The following LINGO2 variants were observed in gnomAD, a reference collection of about 807,000 sequenced individuals.
LINGO2 encodes the protein leucine rich repeat and Ig domain containing 2.
In LINGO2, 14 loss-of-function variants were observed where a neutral mutation model predicts 30.6. The ratio of observed to expected loss-of-function variants is 0.46; its 90% CI spans 0.30 to 0.72. The LOEUF is 0.72. Among genes scored for constraint, LINGO2 ranks in the 30% least tolerant of loss-of-function variants. The pLI, the probability that LINGO2 is intolerant of heterozygous loss-of-function variation, is 0.07. For missense variants in LINGO2, 729 were observed against 751.7 expected, an observed-to-expected ratio of 0.97 and a Z score of 0.35; for synonymous variants, 317 against 288.5, an observed-to-expected ratio of 1.10 and a Z score of -1.00.
chr9:28,688,391 G>T, the LINGO2 span, among the ~76,000 whole-genome samples: 1 of 152,166 alleles, frequency 6.6e-6, no homozygotes, highest in Non-Finnish European at 1.5e-5. Context: ...AAATTAGCTT[G>T]CTTGGGCACA....
the LINGO2 span, among the ~76,000 whole-genome samples, chr9:28,913,604 G>A: frequency 6.6e-6 from 1 of 152,104 alleles, no homozygotes. Flanking sequence ...AATCAAAATA[G>A]AGAAAGAATA....
chr9:28,279,814 G>C (rs1208123032), intron 4 of LINGO2, among the ~76,000 whole-genome samples: 1 of 152,000 alleles, frequency 6.6e-6, no homozygotes, highest in Admixed American at 6.6e-5. Context: ...CCCACAAAGA[G>C]CCTAAAGTTT....
upstream of LINGO2, among the ~76,000 whole-genome samples, chr9:28,673,362 A>G (rs1829094446): frequency 1.3e-5 from 2 of 152,092 alleles, no homozygotes; most frequent in South Asian, 4.1e-4. Flanking sequence ...GAAAGATATT[A>G]GTAATAGAAT....
intron 1 of LINGO2, among the ~76,000 whole-genome samples, chr9:28,515,919 C>G (rs376064540): frequency 6.6e-6 from 1 of 152,100 alleles, no homozygotes; most frequent in Non-Finnish European, 1.5e-5. Flanking sequence ...CTTTTGTTGT[C>G]TTATTTTAAA....
intron 4 of LINGO2, among the ~76,000 whole-genome samples, chr9:28,265,880 G>C (rs964874496): frequency 2.0e-5 from 3 of 151,904 alleles, no homozygotes; most frequent in Non-Finnish European, 2.9e-5. Context: ...CTTTGGTTAG[G>C]TTTAAAGGCT....
At chr9:27,987,959 C>G (rs375644080) in intron 5 of LINGO2, among the ~76,000 whole-genome samples, 79 of 152,144 alleles carry the variant, frequency 5.2e-4, no homozygotes, top group Middle Eastern at 3.4e-3. Context: ...TCCATTAACT[C>G]GTCATTTATA....
At chr9:28,716,721 C>A in the LINGO2 span, among the ~76,000 whole-genome samples, 1 of 152,118 alleles carries the variant, frequency 6.6e-6, no homozygotes, top group African/African-American at 2.4e-5. Context: ...GGTAGCTAGA[C>A]AATTCATTTA....
upstream of LINGO2, among the ~76,000 whole-genome samples, chr9:28,671,957 C>T (rs550122734): frequency 6.6e-6 from 1 of 151,994 alleles, no homozygotes; most frequent in Admixed American, 6.6e-5. Context: ...TTTCTAAAAG[C>T]TACTATCAGA....
At chr9:28,104,266 GTTTT>G (rs74180789) in intron 4 of LINGO2, among the ~76,000 whole-genome samples, 1 of 97,430 alleles carries the variant, frequency 1.0e-5, no homozygotes, top group Non-Finnish European at 1.9e-5. Flanking sequence ...TTTTTTGTTT[GTTTT>G]TTTTTTTTTT....
At chr9:28,865,505 G>A in the LINGO2 span, among the ~76,000 whole-genome samples, 117 of 152,196 alleles carry the variant, frequency 7.7e-4, 1 homozygote, top group South Asian at 4.2e-4. Context: ...CACCCTGGCC[G>A]GGTGTGGTGG....
intron 2 of LINGO2, among the ~76,000 whole-genome samples, chr9:28,417,315 C>G (rs1418699154): frequency 6.6e-6 from 1 of 152,070 alleles, no homozygotes; most frequent in African/African-American, 2.4e-5. Context: ...ATTATGAAAG[C>G]CAACACAGTC....
chr9:28,646,273 A>T (rs986323811), intron 1 of LINGO2, among the ~76,000 whole-genome samples: 1 of 152,090 alleles, frequency 6.6e-6, no homozygotes, highest in African/African-American at 2.4e-5. Context: ...AGAACTCTAT[A>T]TCTCTGTTAT....
intron 1 of LINGO2, among the ~76,000 whole-genome samples, chr9:28,559,376 C>A (rs1489040122): frequency 6.6e-6 from 1 of 152,052 alleles, no homozygotes. Context: ...AGAATGTTTC[C>A]CTCTGTTAGA....
At chr9:28,040,372 C>T (rs949195252) in intron 4 of LINGO2, among the ~76,000 whole-genome samples, 2 of 151,160 alleles carry the variant, frequency 1.3e-5, no homozygotes, top group African/African-American at 4.9e-5. Flanking sequence ...AGCAATGGTC[C>T]AATGTAACTT....
At chr9:28,449,975 G>A (rs1824584982) in intron 2 of LINGO2, among the ~76,000 whole-genome samples, 1 of 151,928 alleles carries the variant, frequency 6.6e-6, no homozygotes, top group Non-Finnish European at 1.5e-5. Context: ...GTGCTAGAAT[G>A]TTCTTGGATT....
At chr9:28,919,839 A>G in the LINGO2 span, among the ~76,000 whole-genome samples, 2 of 152,172 alleles carry the variant, frequency 1.3e-5, no homozygotes, top group East Asian at 3.8e-4. Flanking sequence ...AACTTTAAAC[A>G]TTATATCCTT....
chr9:28,799,808 T>C, the LINGO2 span, among the ~76,000 whole-genome samples: 25 of 152,234 alleles, frequency 1.6e-4, 1 homozygote, highest in Non-Finnish European at 1.9e-4. Flanking sequence ...ATCATCATCA[T>C]ACTCATCACT....
chr9:28,554,382 A>G (rs895861475), intron 1 of LINGO2, among the ~76,000 whole-genome samples: 2 of 144,534 alleles, frequency 1.4e-5, no homozygotes, highest in Non-Finnish European at 3.0e-5. Flanking sequence ...TAAACCAACA[A>G]AGATCAAAAG....
chr9:28,945,862 A>C, the LINGO2 span, among the ~76,000 whole-genome samples: 1 of 152,188 alleles, frequency 6.6e-6, no homozygotes, highest in African/African-American at 2.4e-5. Flanking sequence ...TAATAAATGA[A>C]TAAAATGCTC....
Sources: allele counts gnomAD v4.1 joint callset (sites outside exome capture counted in the v4.1 genomes callset), GRCh38; gene constraint gnomAD v4.1.1; transcripts MANE v1.5; gene names NCBI Gene and HGNC (gene_info 2026-07-23, HGNC 2026-07-21).